Variants in DNAH14 observed in about 807,000 individuals in gnomAD.
DNAH14 encodes the protein axonemal beta dynein heavy chain 14.
DNAH14 carries 478 observed loss-of-function variants against 520.9 expected under a neutral mutation model. The ratio of observed to expected loss-of-function variants is 0.92; its 90% confidence interval spans 0.85 to 0.99. DNAH14 has a LOEUF of 0.99. Ranked by LOEUF, DNAH14 falls within the 50% of genes least tolerant of loss-of-function variation. The pLI is 0.00. For missense variants in DNAH14, 4,831 were observed against 5,234.5 expected (o/e 0.92, Z 2.38); for synonymous variants, 1,581 against 1,757.2 (o/e 0.90, Z 2.51).
Position 225,272,947 on chromosome 1 carries a change from C to A in DNAH14, c.7840-8C>A, listed in dbSNP as rs2149843172. The A allele has an allele frequency of 1.3e-6, 2 of 1,516,700 alleles. No individual in the cohort carries two copies. Among genetic ancestry groups the A allele is most frequent in the Non-Finnish European group, 1.8e-6 (2 of 1,136,656 alleles). 94.0% of individuals were successfully genotyped at this position (1,516,700 alleles called of 1,614,324 possible). A position where few individuals can be genotyped will look rare whatever the true frequency, so the allele number is the denominator to read the frequency against. On this transcript the variant is annotated splice_polypyrimidine_tract_variant and splice_region_variant and intron_variant, in intron 51 of 85. Coordinates refer to ENST00000682510, the MANE Select transcript of DNAH14 (RefSeq NM_001367479.1). ...TTTAAAAAAACGTTATTTTTAAATC[C>A]CTAACAGCTTCTCCTAGGATTGCTG...
chr1:225,343,626 A>T (rs1357164261), intron 69 of DNAH14, among the ~76,000 whole-genome samples: 1 of 152,212 alleles, frequency 6.6e-6, no homozygotes, highest in Non-Finnish European at 1.5e-5. Flanking sequence ...ACTTAGAAGC[A>T]TATTTTTTAT....
intron 8 of DNAH14, among the ~76,000 whole-genome samples, chr1:224,978,072 A>G (rs2061994116): frequency 1.3e-5 from 2 of 152,242 alleles, no homozygotes; most frequent in African/African-American, 4.8e-5. Flanking sequence ...GGGAATGTAA[A>G]TTAGCACAAC....
intron 73 of DNAH14, among the ~76,000 whole-genome samples, chr1:225,355,928 A>G (rs187383307): frequency 1.0e-3 from 156 of 152,270 alleles, no homozygotes; most frequent in African/African-American, 3.6e-3. Flanking sequence ...GTTGCTGGCA[A>G]CCACAATTCT....
chr1:225,031,998 A>G (rs2066565834), intron 11 of DNAH14, among the ~76,000 whole-genome samples: 1 of 152,046 alleles, frequency 6.6e-6, no homozygotes, highest in Non-Finnish European at 1.5e-5. Context: ...TTATGTCACC[A>G]TGATTTATAA....
In DNAH14 at chr1:225,336,053, A is replaced by ACATACATG. The variant is rs1553337807; in HGVS notation, c.10081-1209_10081-1208insCATGCATA. On this transcript the variant is annotated intron_variant, in intron 66 of 85. Coordinates refer to ENST00000682510, the MANE Select transcript of DNAH14 (RefSeq NM_001367479.1). ...TATATACACACATATATGCATATAT[A>ACATACATG]CATATATGTATACATACATACTTAT... Among the ~76,000 whole-genome samples, 217 of 141,938 alleles carry ACATACATG rather than the reference A, an allele frequency of 1.5e-3. 1 individual carries two copies. The highest frequency in any genetic ancestry group is 5.2e-3 in the African/African-American group (195 of 37,410). 93.1% of individuals were successfully genotyped at this position (141,938 alleles called of 152,430 possible).
At chr1:225,377,183 T>TTC in intron 78 of DNAH14, 54 bp from the exon 79 acceptor site, 10 of 1,331,650 alleles carry the variant, frequency 7.5e-6, no homozygotes, top group Non-Finnish European at 9.8e-6. Flanking sequence ...ACCAACAAAG[T>TTC]GTTCAGAAGT....
intron 38 of DNAH14, among the ~76,000 whole-genome samples, chr1:225,199,885 TTGTTGACTTTCTGTC>T (rs1418857039): frequency 1.3e-5 from 2 of 152,232 alleles, no homozygotes; most frequent in Non-Finnish European, 2.9e-5. Context: ...AATTCATTGT[TTGTTGACTTTCTGTC>T]TGATGACCTG....
At chr1:225,388,646 G>A (rs1216907539) in intron 82 of DNAH14, among the ~76,000 whole-genome samples, 155 bp downstream of exon 82, 2 of 152,174 alleles carry the variant, frequency 1.3e-5, no homozygotes, top group East Asian at 3.9e-4. Context: ...AGCTGAGAAA[G>A]TGGGGACCTA....
intron 64 of DNAH14, 44 bp downstream of exon 64, chr1:225,324,876 G>A (rs1444038684): frequency 2.8e-6 from 4 of 1,431,114 alleles, no homozygotes; most frequent in East Asian, 2.5e-5. Context: ...AAAACACCAG[G>A]ACAATGTAAT....
At chr1:225,332,634 T>C (rs1480460990) in intron 65 of DNAH14, among the ~76,000 whole-genome samples, 1 of 152,082 alleles carries the variant, frequency 6.6e-6, no homozygotes, top group Admixed American at 6.6e-5. Context: ...TGGGTTGTTG[T>C]TGCTGTTATT....
At chr1:225,003,987 A>G (rs1905115) in intron 9 of DNAH14, among the ~76,000 whole-genome samples, 8,376 of 152,188 alleles carry the variant, frequency 0.055, 464 homozygotes, top group East Asian at 0.23. Context: ...ATGCCACCAA[A>G]TGATAGAGAA....
intron 54 of DNAH14, among the ~76,000 whole-genome samples, chr1:225,286,908 A>G (rs1244157078): frequency 2.6e-5 from 4 of 152,204 alleles, no homozygotes; most frequent in African/African-American, 9.6e-5. Context: ...ATAAAAAGAA[A>G]TGAGCTCTCA....
At chr1:225,339,047 A>G (rs2095122711) in intron 68 of DNAH14, among the ~76,000 whole-genome samples, 1 of 151,884 alleles carries the variant, frequency 6.6e-6, no homozygotes, top group Non-Finnish European at 1.5e-5. Context: ...CTGTAATCCC[A>G]GCACTTTGGG....
At position 225,374,841 on chromosome 1, in the gene DNAH14, A is replaced by T; in HGVS notation, c.12472A>T (p.Asn4158Tyr). Residue 4158 changes from asparagine to tyrosine, a missense_variant, in exon 78 of 86, where the codon AAT (asparagine) becomes TAT (tyrosine). Asn to Tyr is a moderately radical substitution (Grantham distance 143). Transcript: ENST00000682510. ...CLKTLLYKFCNPEVLKDDFSF... is the reference protein window; with the variant it reads ...CLKTLLYKFCYPEVLKDDFSF... ...GAAGACCCTACTCTACAAATTTTGT[A>T]ATCCTGAAGTGCTGAAAGATGACTT... The T allele has an allele frequency of 6.4e-7, 1 of 1,551,246 alleles. No homozygotes were observed. Among genetic ancestry groups the T allele is most frequent in the Non-Finnish European group, 8.7e-7 (1 of 1,146,666 alleles).
At chr1:225,375,750 C>CTT (rs57680981) in intron 78 of DNAH14, among the ~76,000 whole-genome samples, 65 of 144,768 alleles carry the variant, frequency 4.5e-4, no homozygotes, top group South Asian at 2.0e-3. Flanking sequence ...GCTATGAGGG[C>CTT]TTTTTTTTTT....
At position 225,043,714 on chromosome 1, in the gene DNAH14, T is replaced by A. The variant is rs558861315; in HGVS notation, c.1769-30T>A. On this transcript the variant is annotated intron_variant, in intron 13 of 85. Transcript: ENST00000682510. ...GATATAAATATCAATCAATTTTGTA[T>A]TTTCTCTTTCTTTCAATGGATTCTA... The A allele has an allele frequency of 5.7e-5, 80 of 1,407,532 alleles. No homozygotes were observed. The African/African-American group carries it at 1.0e-3, about 18-fold the overall frequency. 87.2% of individuals were successfully genotyped at this position (1,407,532 alleles called of 1,614,324 possible).
intron 17 of DNAH14, among the ~76,000 whole-genome samples, chr1:225,069,450 C>T (rs1185551855): frequency 1.3e-5 from 2 of 152,124 alleles, no homozygotes; most frequent in Non-Finnish European, 2.9e-5. Context: ...TTTTCTGCAT[C>T]TCTTAGATAA....
intron 5 of DNAH14, among the ~76,000 whole-genome samples, chr1:224,965,209 C>T (rs1459328746): frequency 6.6e-6 from 1 of 152,072 alleles, no homozygotes; most frequent in African/African-American, 2.4e-5. Context: ...GATCATCTCT[C>T]CCTACTGTTA....
rs189672955 is a variant in DNAH14, at chr1:224,935,006, T to C, written c.-34+5171T>C. ...ACAAAATTGGTCCCCTAAGAAGTGCTCAAGGGAGTCTTAAACCTGGAAGTA... is the reference window on the plus strand; with the variant it reads ...ACAAAATTGGTCCCCTAAGAAGTGCCCAAGGGAGTCTTAAACCTGGAAGTA... On this transcript the variant is annotated intron_variant, in intron 1 of 85. Coordinates refer to ENST00000682510, the MANE Select transcript of DNAH14 (RefSeq NM_001367479.1). Among the ~76,000 whole-genome samples the C allele has an allele frequency of 3.0e-4, 45 of 151,838 alleles. No individual in the cohort carries two copies. The East Asian group carries it at 4.3e-3, about 14-fold the overall frequency.
Sources: allele counts gnomAD v4.1 joint callset (sites outside exome capture counted in the v4.1 genomes callset), GRCh38; gene constraint gnomAD v4.1.1; transcripts MANE v1.5; gene names NCBI Gene and HGNC (gene_info 2026-07-23, HGNC 2026-07-21).